Variants in TSC22D1 observed in about 807,000 individuals in gnomAD.
TSC22D1 encodes the protein TSC22 domain family protein 1.
Under a neutral mutation model 74.2 loss-of-function variants are expected in TSC22D1, and 9 were observed. The ratio of observed to expected loss-of-function variants is 0.12; its 90% CI spans 0.07 to 0.21. The LOEUF is 0.21. Among genes scored for constraint, TSC22D1 ranks in the 10% least tolerant of loss-of-function variants. The pLI is 1.00. For missense variants in TSC22D1, 1,427 were observed against 1,304.7 expected (o/e 1.09, Z -1.44); for synonymous variants, 586 against 492.5 (o/e 1.19, Z -2.51).
At chr13:44,471,650 G>A (rs888214634) in intron 1 of TSC22D1, among the ~76,000 whole-genome samples, 2 of 152,124 alleles carry the variant, frequency 1.3e-5, no homozygotes, top group African/African-American at 4.8e-5. Flanking sequence ...CTAAAACAGT[G>A]AATTAAAATA....
intron 1 of TSC22D1, among the ~76,000 whole-genome samples, chr13:44,473,816 T>C (rs1054051904): frequency 3.3e-5 from 5 of 152,190 alleles, no homozygotes; most frequent in Non-Finnish European, 7.3e-5. Flanking sequence ...ATTAAGCTAA[T>C]GTTTTCTGAT....
intron 1 of TSC22D1, among the ~76,000 whole-genome samples, chr13:44,527,813 T>C (rs1363156288): frequency 6.6e-6 from 1 of 151,982 alleles, no homozygotes; most frequent in African/African-American, 2.4e-5. Flanking sequence ...AGAAACCCAT[T>C]TTAAATATAA....
At position 44,434,287 on chromosome 13, in the gene TSC22D1, C is replaced by T. The variant is rs1874325976; in HGVS notation, c.*339G>A. The T allele has an allele frequency of 7.2e-7, 1 of 1,380,348 alleles. No homozygotes were observed. The highest frequency in any genetic ancestry group is 1.5e-5 in the African/African-American group (1 of 66,870). The allele number at this position is 1,380,348 out of a possible 1,614,324, so 85.5% of individuals were successfully genotyped here. A position where few individuals can be genotyped will look rare whatever the true frequency, so the allele number is the denominator to read the frequency against. ...ACTAAGCGCAAGCAGGAGAGAGAAC[C>T]CTTGGAAGTGAGGGGTAGGGAGCCG... On this transcript the variant is annotated 3_prime_UTR_variant, in exon 3 of 3. Transcript: ENST00000458659.
intron 1 of TSC22D1, among the ~76,000 whole-genome samples, chr13:44,492,969 A>C (rs1173345290): frequency 6.6e-6 from 1 of 152,138 alleles, no homozygotes; most frequent in Non-Finnish European, 1.5e-5. Flanking sequence ...TCTAGCTCAG[A>C]AACTCTTCTA....
In TSC22D1 at chr13:44,454,141, T is replaced by G. The variant is rs930392612; in HGVS notation, c.2913-18046A>C. Among the ~76,000 whole-genome samples, 6 of 152,084 alleles carry G rather than the reference T, an allele frequency of 3.9e-5. No homozygotes were observed. The East Asian group carries it at 1.2e-3, about 29-fold the overall frequency. Reference sequence around the variant, plus strand: ...CATAAAACTGAATACCTCAAATACATATTGCTAGTAAAAACAGAGTTAATT... The same window carrying G: ...CATAAAACTGAATACCTCAAATACAGATTGCTAGTAAAAACAGAGTTAATT... On this transcript the variant is annotated intron_variant, in intron 1 of 2. Transcript: ENST00000458659.
In TSC22D1 at chr13:44,575,707, G is replaced by T; in HGVS notation, c.368C>A (p.Ala123Asp). The change falls in exon 1 of 3, where the codon GCT becomes GAT. Residue 123 changes from alanine (A) to aspartate (D), a missense_variant. Physicochemically the swap from Ala to Asp is moderately radical, Grantham distance 126 (BLOSUM62 -2). Coordinates refer to ENST00000458659, the MANE Select transcript of TSC22D1 (RefSeq NM_183422.4). ...ITSVTPAQIS[A>D]SISSNNSIAE... ...TATACTGTTGTTAGAGCTGATACTA[G>T]CGGAGATCTGAGCAGGAGTAACGCT... 6.2e-7 allele frequency: 1 copy of T among 1,614,200 alleles called. No individual in the cohort carries two copies.
chr13:44,435,153 G>C lies in TSC22D1; in HGVS notation c.2965-270C>G, dbSNP rs1294520247. 4.5e-5 allele frequency: 16 copies of C among 355,796 alleles called. No homozygotes were observed. In the East Asian group the frequency reaches 5.9e-4, roughly 13 times the overall value. The allele number at this position is 355,796 out of a possible 1,614,324, so 22.0% of individuals were successfully genotyped here. A position where few individuals can be genotyped will look rare whatever the true frequency, so the allele number is the denominator to read the frequency against. ...AGTAAGGCTTCCTGAGACTGGGCCA[G>C]AGCCGGGCGCTGGGTCCCCGACTGA... On this transcript the variant is annotated intron_variant, in intron 2 of 2. Coordinates refer to ENST00000458659, the MANE Select transcript of TSC22D1 (RefSeq NM_183422.4).
At chr13:44,538,838 G>A (rs1190444974) in intron 1 of TSC22D1, 1 of 985,292 alleles carries the variant, frequency 1.0e-6, no homozygotes, top group Admixed American at 6.2e-5. Flanking sequence ...GGCTCTGCTA[G>A]AAGAATTCCT....
chr13:44,529,209 T>A (rs1271629893), intron 1 of TSC22D1, among the ~76,000 whole-genome samples: 1 of 151,758 alleles, frequency 6.6e-6, no homozygotes, highest in Middle Eastern at 3.2e-3. Flanking sequence ...CAACAATGTA[T>A]AAAAAAAATT....
intron 1 of TSC22D1, among the ~76,000 whole-genome samples, chr13:44,466,356 A>G (rs1435332263): frequency 6.6e-6 from 1 of 152,276 alleles, no homozygotes; most frequent in Non-Finnish European, 1.5e-5. Flanking sequence ...GTCAAAATAA[A>G]GGACAAAAAT....
chr13:44,456,314 C>T (rs1370193341), intron 1 of TSC22D1, among the ~76,000 whole-genome samples: 1 of 152,198 alleles, frequency 6.6e-6, no homozygotes, highest in African/African-American at 2.4e-5. Context: ...CTGCCCACAT[C>T]CTGCTGATTG....
intron 1 of TSC22D1, among the ~76,000 whole-genome samples, chr13:44,522,168 G>C (rs1880347304): frequency 6.6e-6 from 1 of 152,102 alleles, no homozygotes; most frequent in Non-Finnish European, 1.5e-5. Context: ...GACTTAAAAG[G>C]GGCATTCCAG....
At position 44,572,851 on chromosome 13, in the gene TSC22D1, T is replaced by C. The variant is rs190176915; in HGVS notation, c.2912+312A>G. On this transcript the variant is annotated intron_variant, in intron 1 of 2. Coordinates refer to ENST00000458659, the MANE Select transcript of TSC22D1 (RefSeq NM_183422.4). ...TAACTATTATGTGGGTTAGCAAAAA[T>C]TAAGCTTTCCATAATATTTCTAAAA... 1.7e-3 allele frequency among the ~76,000 whole-genome samples: 252 copies of C among 152,326 alleles called. 3 individuals carry two copies. Among genetic ancestry groups the C allele is most frequent in the African/African-American group, 5.4e-3 (223 of 41,564 alleles).
At chr13:44,570,213 C>T (rs1312687226) in intron 1 of TSC22D1, among the ~76,000 whole-genome samples, 2 of 135,114 alleles carry the variant, frequency 1.5e-5, no homozygotes, top group Non-Finnish European at 3.1e-5. Context: ...TTTTTAGAGA[C>T]AGGGTCCTGG....
chr13:44,548,619 T>C (rs1402733388), intron 1 of TSC22D1, among the ~76,000 whole-genome samples: 1 of 152,104 alleles, frequency 6.6e-6, no homozygotes, highest in Non-Finnish European at 1.5e-5. Context: ...AATATGGAGT[T>C]TTACAAGACA....
At chr13:44,516,317 G>C in intron 1 of TSC22D1, 1 of 473,612 alleles carries the variant, frequency 2.1e-6, no homozygotes, top group South Asian at 1.6e-5. Context: ...CTCTACCACA[G>C]GTTACCTCCC....
intron 1 of TSC22D1, among the ~76,000 whole-genome samples, chr13:44,547,099 A>G (rs1881877897): frequency 6.6e-6 from 1 of 152,184 alleles, no homozygotes; most frequent in African/African-American, 2.4e-5. Flanking sequence ...TAAGTCTAAA[A>G]TTATTTCAAT....
chr13:44,542,308 CTTCACTT>C (rs1488558826), intron 1 of TSC22D1, among the ~76,000 whole-genome samples: 2 of 152,040 alleles, frequency 1.3e-5, no homozygotes, highest in African/African-American at 2.4e-5. Context: ...TACAGGCCTA[CTTCACTT>C]TGAAAATGAA....
intron 1 of TSC22D1, among the ~76,000 whole-genome samples, chr13:44,514,501 AAC>A (rs1879878752): frequency 6.6e-6 from 1 of 152,046 alleles, no homozygotes. Context: ...GCTAATCCAA[AAC>A]ACACACATAC....
Sources: allele counts gnomAD v4.1 joint callset (sites outside exome capture counted in the v4.1 genomes callset), GRCh38; gene constraint gnomAD v4.1.1; transcripts MANE v1.5; gene names NCBI Gene and HGNC (gene_info 2026-07-23, HGNC 2026-07-21).